CLCN5: variants seen among roughly 807,000 people sequenced by gnomAD.
The protein encoded by CLCN5 is H(+)/Cl(-) exchange transporter 5.
A neutral mutation model predicts 54.0 loss-of-function variants in CLCN5; 17 were observed. The observed-to-expected ratio is 0.31, with a 90% CI of 0.22 to 0.47. The LOEUF (loss-of-function observed/expected upper bound fraction) is 0.47, where lower values mean the gene tolerates loss of function less well. Ranked by LOEUF, CLCN5 falls within the 20% of genes least tolerant of loss-of-function variation. The probability of loss-of-function intolerance (pLI) is 1.00; values close to 1 mark genes in which losing one functional copy is unlikely to be tolerated. For missense variants in CLCN5, 448 were observed against 646.7 expected (o/e 0.69, Z 3.33); for synonymous variants, 222 against 233.0 (o/e 0.95, Z 0.43).
chrX:49,998,998 G>A (rs782754466), intron 3 of CLCN5, among the ~76,000 whole-genome samples: 3 of 104,733 alleles, frequency 2.9e-5, no homozygotes, highest in Middle Eastern at 4.9e-3. Flanking sequence ...CCACCCCCCC[G>A]CCATAGGCTA....
rs1283345025 is a variant in CLCN5 at position 50,027,070 on chromosome X, A to G, written c.17-15246A>G. Reference sequence around the variant, plus strand: ...TGGCCTGTTGCCCAGGCTGGAGTACAATGGCTTAATCTCGGCTCACTGCAA... The same window carrying G: ...TGGCCTGTTGCCCAGGCTGGAGTACGATGGCTTAATCTCGGCTCACTGCAA... On this transcript the variant is annotated intron_variant, in intron 3 of 14. Transcript: ENST00000376091. Among the ~76,000 whole-genome samples the G allele has an allele frequency of 2.5e-4, 25 of 98,322 alleles. No individual in the cohort carries two copies. In the Admixed American group the frequency reaches 2.5e-3, roughly 10 times the overall value. 85.4% of individuals were successfully genotyped at this position (98,322 alleles called of 115,157 possible).
chrX:50,019,474 T>C (rs868980775), intron 3 of CLCN5, among the ~76,000 whole-genome samples: 24 of 93,132 alleles, frequency 2.6e-4, no homozygotes, highest in East Asian at 1.3e-3. Context: ...TTTTCTTTTT[T>C]TTTTTTTTTT....
At chrX:50,028,763 AC>A (rs1557185386) in intron 3 of CLCN5, among the ~76,000 whole-genome samples, 2 of 111,817 alleles carry the variant, frequency 1.8e-5, no homozygotes, top group Non-Finnish European at 3.8e-5. Context: ...ATTTGCATCC[AC>A]CTTTTCCTTA....
At position 50,084,680 on chromosome X, in the gene CLCN5, G is replaced by A. The variant is rs782190981; in HGVS notation, c.934-1300G>A. On this transcript the variant is annotated intron_variant, in intron 9 of 14. Transcript: ENST00000376091. ...ATTACAGGCATGAGCCACCACAACCGGCTAGTATTTGAATCTTAAATTTAC... is the reference window on the plus strand; with the variant it reads ...ATTACAGGCATGAGCCACCACAACCAGCTAGTATTTGAATCTTAAATTTAC... 5.4e-5 allele frequency among the ~76,000 whole-genome samples: 6 copies of A among 111,696 alleles called. No homozygotes were observed. The South Asian group carries it at 1.9e-3, about 35-fold the overall frequency.
chrX:50,045,881 C>CA (rs1486966840), intron 4 of CLCN5, among the ~76,000 whole-genome samples: 1 of 112,098 alleles, frequency 8.9e-6, no homozygotes, highest in Non-Finnish European at 1.9e-5. Context: ...ACAACGACAA[C>CA]AAAAAGGTCA....
intron 9 of CLCN5, 62 bp downstream of exon 9, chrX:50,081,909 G>A (rs782557157): frequency 3.2e-5 from 33 of 1,021,935 alleles, no homozygotes; most frequent in Non-Finnish European, 4.3e-5. Context: ...ACAATCTTAG[G>A]GGGTGAGAAT....
chrX:50,007,909 A>G (rs1930283330), intron 3 of CLCN5, among the ~76,000 whole-genome samples: 1 of 112,045 alleles, frequency 8.9e-6, no homozygotes, highest in Non-Finnish European at 1.9e-5. Flanking sequence ...TAGAGCGTGC[A>G]TTTGAACCAA....
chrX:50,084,078 T>G (rs1557193560), intron 9 of CLCN5, among the ~76,000 whole-genome samples: 1 of 112,040 alleles, frequency 8.9e-6, no homozygotes, highest in Non-Finnish European at 1.9e-5. Flanking sequence ...GTTAGGAGAT[T>G]TCGTCACTGT....
chrX:50,001,462 T>G (rs1193048005), intron 3 of CLCN5, among the ~76,000 whole-genome samples: 1 of 107,881 alleles, frequency 9.3e-6, no homozygotes, highest in African/African-American at 3.6e-5. Flanking sequence ...TTTCTCCCAT[T>G]TACTCTTTTT....
intron 3 of CLCN5, among the ~76,000 whole-genome samples, chrX:49,962,645 T>G (rs954232448): frequency 1.8e-5 from 2 of 112,039 alleles, no homozygotes; most frequent in Non-Finnish European, 3.8e-5. Context: ...GTTGTCCTTA[T>G]GAAAGAGTGA....
chrX:49,939,595 A>G (rs183550093), intron 3 of CLCN5, among the ~76,000 whole-genome samples: 1 of 110,139 alleles, frequency 9.1e-6, no homozygotes, highest in Non-Finnish European at 1.9e-5. Context: ...CAATGAGAAC[A>G]CTTGGACGCA....
chrX:50,003,958 A>G (rs1402021446), intron 3 of CLCN5, among the ~76,000 whole-genome samples: 2 of 111,966 alleles, frequency 1.8e-5, no homozygotes, highest in African/African-American at 3.3e-5. Flanking sequence ...AATTGTGTCT[A>G]TATCATAACC....
intron 9 of CLCN5, among the ~76,000 whole-genome samples, chrX:50,082,466 C>T (rs1238920746): frequency 1.8e-5 from 2 of 109,731 alleles, no homozygotes; most frequent in African/African-American, 6.6e-5. Flanking sequence ...GCACGCACCA[C>T]CAAACCCAGC....
chrX:49,953,539 T>G (rs1464881430), intron 3 of CLCN5, among the ~76,000 whole-genome samples: 1 of 110,841 alleles, frequency 9.0e-6, no homozygotes, highest in Admixed American at 9.6e-5. Context: ...CTCCTGAACT[T>G]AAGCCGTCTT....
At chrX:49,982,988 A>G (rs1332205029) in intron 3 of CLCN5, among the ~76,000 whole-genome samples, 1 of 112,177 alleles carries the variant, frequency 8.9e-6, no homozygotes, top group African/African-American at 3.2e-5. Flanking sequence ...TTATTGTGGT[A>G]TAACTGGTAT....
At chrX:50,059,838 C>G (rs1023577234) in intron 4 of CLCN5, among the ~76,000 whole-genome samples, 2 of 108,265 alleles carry the variant, frequency 1.8e-5, no homozygotes, top group Non-Finnish European at 3.8e-5. Context: ...CATTAAAAGT[C>G]AATAACGTGG....
chrX:50,076,028 A>C, intron 7 of CLCN5, 46 bp downstream of exon 7: 3 of 1,085,458 alleles, frequency 2.8e-6, no homozygotes, highest in Non-Finnish European at 3.8e-6. Flanking sequence ...TTCTTCTTAC[A>C]TTTATTTTAT....
chrX:49,977,578 G>A (rs954663397), intron 3 of CLCN5, among the ~76,000 whole-genome samples: 5 of 111,506 alleles, frequency 4.5e-5, no homozygotes, highest in African/African-American at 1.6e-4. Context: ...CATTCTTAGA[G>A]GTATCTGAGA....
intron 3 of CLCN5, among the ~76,000 whole-genome samples, chrX:49,945,712 C>T (rs1199408785): frequency 1.9e-5 from 2 of 103,247 alleles, no homozygotes; most frequent in Non-Finnish European, 4.0e-5. Context: ...CCCTGGCCTC[C>T]CAAGGTGCTG....
Sources: allele counts gnomAD v4.1 joint callset (sites outside exome capture counted in the v4.1 genomes callset), GRCh38; gene constraint gnomAD v4.1.1; transcripts MANE v1.5; gene names NCBI Gene and HGNC (gene_info 2026-07-23, HGNC 2026-07-21).